CRACR2A: variants seen among roughly 807,000 people sequenced by gnomAD.
CRACR2A encodes the protein calcium release activated channel regulator 2A.
Under a neutral mutation model 90.5 loss-of-function variants are expected in CRACR2A, and 79 were observed. The observed-to-expected ratio is 0.87, with a 90% CI of 0.73 to 1.05. CRACR2A has a LOEUF of 1.05. CRACR2A is among the 50% of genes least tolerant of loss of function. The probability of loss-of-function intolerance (pLI) is 0.00; values close to 1 mark genes in which losing one functional copy is unlikely to be tolerated. For synonymous variants in CRACR2A, 338 were observed against 356.7 expected (o/e 0.95, Z 0.59); for missense variants, 823 against 897.2 (o/e 0.92, Z 1.06).
intron 12 of CRACR2A, among the ~76,000 whole-genome samples, chr12:3,642,418 T>C (rs1166787909): frequency 1.3e-5 from 2 of 152,162 alleles, no homozygotes; most frequent in Non-Finnish European, 2.9e-5. Context: ...TCTTGCTATG[T>C]TGTCCAGGCT....
chr12:3,620,780 A>T lies in CRACR2A; in HGVS notation c.1933-1408T>A, dbSNP rs373831639. On this transcript the variant is annotated intron_variant, in intron 17 of 19. Transcript: ENST00000440314. Reference sequence around the variant, plus strand: ...GGTCAGATGGTAACTTGTGTTTGCAATGATGACTCAAAGGCGCTACAAGAT... The same window carrying T: ...GGTCAGATGGTAACTTGTGTTTGCATTGATGACTCAAAGGCGCTACAAGAT... Among the ~76,000 whole-genome samples, 14 of 152,344 alleles carry T rather than the reference A, an allele frequency of 9.2e-5. No individual in the cohort carries two copies. In the East Asian group the frequency reaches 2.7e-3, roughly 29 times the overall value.
At chr12:3,661,768 T>C (rs1197488793) in intron 7 of CRACR2A, among the ~76,000 whole-genome samples, 2 of 152,228 alleles carry the variant, frequency 1.3e-5, no homozygotes, top group African/African-American at 2.4e-5. Flanking sequence ...AGGAAAACTT[T>C]AGACAGAGAT....
At position 3,680,270 on chromosome 12, in the gene CRACR2A, T is replaced by G; in HGVS notation, c.308A>C (p.Tyr103Ser). 6.2e-7 allele frequency: 1 copy of G among 1,614,182 alleles called. No homozygotes were observed. The highest frequency in any genetic ancestry group is 8.5e-7 in the Non-Finnish European group (1 of 1,180,008). Residue 103 changes from tyrosine (Y) to serine (S), a missense_variant, in exon 5 of 20, where the codon TAT (tyrosine) becomes TCT (serine). Coordinates refer to ENST00000440314, the MANE Select transcript of CRACR2A (RefSeq NM_001144958.2). Reference protein sequence around the residue: ...FDALDADGNGYLTPQEFTTGF... With the variant: ...FDALDADGNGSLTPQEFTTGF... The stretch of plus-strand genomic sequence containing the variant: ...AGTAGTGAACTCCTGTGGGGTCAGA[T>G]AGCCATTGCCATCAGCATCCAGGGC...
chr12:3,629,815 G>C (rs1003824189), intron 15 of CRACR2A, among the ~76,000 whole-genome samples: 43 of 147,050 alleles, frequency 2.9e-4, no homozygotes, highest in African/African-American at 9.8e-4. Flanking sequence ...CAGGCTCTTG[G>C]GGGCTGGGTG....
intron 4 of CRACR2A, among the ~76,000 whole-genome samples, chr12:3,684,078 C>T (rs1240127697): frequency 6.6e-6 from 1 of 152,180 alleles, no homozygotes; most frequent in Non-Finnish European, 1.5e-5. Flanking sequence ...CAGTAACATA[C>T]CCCATGTAGC....
chr12:3,685,055 A>G (rs1334966590), intron 4 of CRACR2A, among the ~76,000 whole-genome samples: 1 of 152,220 alleles, frequency 6.6e-6, no homozygotes, highest in Non-Finnish European at 1.5e-5. Flanking sequence ...TCATCCACTC[A>G]TTCCCTCCGG....
At chr12:3,637,399 C>T (rs774620775) in intron 14 of CRACR2A, among the ~76,000 whole-genome samples, 9 of 152,150 alleles carry the variant, frequency 5.9e-5, no homozygotes, top group Non-Finnish European at 1.2e-4. Flanking sequence ...AGCACAGGGT[C>T]GGGAAGGGGG....
At chr12:3,650,916 CAT>C (rs1944783568) in intron 10 of CRACR2A, among the ~76,000 whole-genome samples, 1 of 152,130 alleles carries the variant, frequency 6.6e-6, no homozygotes, top group Admixed American at 6.5e-5. Context: ...TTTGTACATC[CAT>C]ATATACACAC....
At chr12:3,626,646 CG>C (rs1346654677) in intron 17 of CRACR2A, among the ~76,000 whole-genome samples, 1 of 152,072 alleles carries the variant, frequency 6.6e-6, no homozygotes, top group Non-Finnish European at 1.5e-5. Flanking sequence ...GTGGAAGGGG[CG>C]GGACATCCTG....
At chr12:3,712,223 A>T (rs1018308605) in intron 3 of CRACR2A, among the ~76,000 whole-genome samples, 6 of 149,322 alleles carry the variant, frequency 4.0e-5, no homozygotes, top group Non-Finnish European at 8.9e-5. Context: ...GAAGTTGGCC[A>T]TTTTTTTTTT....
chr12:3,750,711 T>A (rs1050348874), intron 1 of CRACR2A, among the ~76,000 whole-genome samples: 9 of 152,178 alleles, frequency 5.9e-5, no homozygotes, highest in African/African-American at 2.2e-4. Flanking sequence ...GATTAGCCTG[T>A]CCCTGAGGAA....
chr12:3,714,904 T>C (rs953911261), intron 2 of CRACR2A, among the ~76,000 whole-genome samples: 14 of 152,228 alleles, frequency 9.2e-5, no homozygotes, highest in African/African-American at 3.4e-4. Context: ...GAAAATGCAG[T>C]AGAATGCCTG....
intron 14 of CRACR2A, among the ~76,000 whole-genome samples, chr12:3,635,969 A>C (rs567535774): frequency 6.6e-6 from 1 of 152,268 alleles, no homozygotes; most frequent in Admixed American, 6.5e-5. Flanking sequence ...TTAACTTACA[A>C]ATTTTTTTAG....
chr12:3,665,454 A>G (rs1945115237), intron 7 of CRACR2A, among the ~76,000 whole-genome samples: 1 of 152,256 alleles, frequency 6.6e-6, no homozygotes, highest in Non-Finnish European at 1.5e-5. Context: ...GAAGTGTCCT[A>G]TATCTGAAAA....
chr12:3,684,577 G>A (rs376676605), intron 4 of CRACR2A, among the ~76,000 whole-genome samples: 30 of 152,350 alleles, frequency 2.0e-4, no homozygotes, highest in African/African-American at 6.3e-4. Flanking sequence ...CATACATTGT[G>A]TAAGGAATAT....
chr12:3,705,511 G>A (rs1565496220), intron 3 of CRACR2A, among the ~76,000 whole-genome samples: 1 of 152,180 alleles, frequency 6.6e-6, no homozygotes, highest in Non-Finnish European at 1.5e-5. Context: ...AATGTCTCCT[G>A]CAGCACAGAG....
In CRACR2A at chr12:3,643,359, C is replaced by T. The variant is rs368780366; in HGVS notation, c.1164+1236G>A. ...ACCGTTCAGCTAAGGGTGCAATCCA[C>T]ATCATCCCCTTTCCAAGAATCTTTC... On this transcript the variant is annotated intron_variant, in intron 12 of 19. Coordinates refer to ENST00000440314, the MANE Select transcript of CRACR2A (RefSeq NM_001144958.2). Among the ~76,000 whole-genome samples, 4 of 152,294 alleles carry T rather than the reference C, an allele frequency of 2.6e-5. 1 individual carries two copies. Among genetic ancestry groups the T allele is most frequent in the African/African-American group, 4.8e-5 (2 of 41,552 alleles).
intron 19 of CRACR2A, among the ~76,000 whole-genome samples, 154 bp from the exon 20 acceptor site, chr12:3,615,593 C>T (rs1244948257): frequency 6.6e-6 from 1 of 152,146 alleles, no homozygotes; most frequent in Non-Finnish European, 1.5e-5. Flanking sequence ...TGAACATCCC[C>T]CCCTGGACAG....
At chr12:3,649,093 G>T (rs1278140968) in intron 10 of CRACR2A, among the ~76,000 whole-genome samples, 1 of 151,950 alleles carries the variant, frequency 6.6e-6, no homozygotes, top group Admixed American at 6.6e-5. Flanking sequence ...GGTGGGGGAA[G>T]GGGGGAGGGA....
Sources: allele counts gnomAD v4.1 joint callset (sites outside exome capture counted in the v4.1 genomes callset), GRCh38; gene constraint gnomAD v4.1.1; transcripts MANE v1.5; gene names NCBI Gene and HGNC (gene_info 2026-07-23, HGNC 2026-07-21).